Variants in ZSCAN25 observed in about 807,000 individuals in gnomAD.
The protein encoded by ZSCAN25 is zinc finger and SCAN domain containing 25, also known as zinc finger and SCAN domain-containing protein 25.
A neutral mutation model predicts 38.7 loss-of-function variants in ZSCAN25; 27 were observed. That is an observed-to-expected ratio of 0.70 (90% CI 0.51 to 0.96). The LOEUF (loss-of-function observed/expected upper bound fraction) is 0.96, where lower values mean the gene tolerates loss of function less well. Ranked by LOEUF, ZSCAN25 falls within the 40% of genes least tolerant of loss-of-function variation. The pLI is 0.00. For synonymous variants in ZSCAN25, 273 were observed against 277.7 expected, an observed-to-expected ratio of 0.98 and a Z score of 0.17; for missense variants, 637 against 705.9, an observed-to-expected ratio of 0.90 and a Z score of 1.11.
the ZSCAN25 span, chr7:99,709,046 G>T: frequency 1.9e-6 from 3 of 1,613,928 alleles, no homozygotes; most frequent in Non-Finnish European, 2.5e-6. Context: ...TTTCAGGGAG[G>T]AACTTCTCAG....
At chr7:99,680,031 T>C in the ZSCAN25 span, 1 of 764,032 alleles carries the variant, frequency 1.3e-6, no homozygotes, top group South Asian at 1.5e-5. Flanking sequence ...ATTTATGTGC[T>C]GGAGAAGGAG....
At position 99,630,997 on chromosome 7, in the gene ZSCAN25, T is replaced by C; in HGVS notation, c.*977T>C. On this transcript the variant is annotated 3_prime_UTR_variant, in exon 8 of 8. Transcript: ENST00000394152. ...TCATTGGACCCATTTCCCAAGTATT[T>C]ATTGAGGCCCTGTAACAAACATGTC... The C allele has an allele frequency of 1.1e-6, 1 of 943,416 alleles. No homozygotes were observed. Among genetic ancestry groups the C allele is most frequent in the Non-Finnish European group, 1.3e-6 (1 of 791,812 alleles). The allele number at this position is 943,416 out of a possible 1,614,324, so 58.4% of individuals were successfully genotyped here.
chr7:99,693,216 C>T, the ZSCAN25 span, among the ~76,000 whole-genome samples: 3 of 152,172 alleles, frequency 2.0e-5, no homozygotes, highest in Admixed American at 2.0e-4. Flanking sequence ...TGGGTATTAC[C>T]TGCAGAGGCT....
At chr7:99,730,737 G>T in the ZSCAN25 span, 1 of 322,580 alleles carries the variant, frequency 3.1e-6, no homozygotes. Flanking sequence ...ACTAAGTATG[G>T]CTGTACCTTC....
the ZSCAN25 span, among the ~76,000 whole-genome samples, chr7:99,696,945 T>C: frequency 6.6e-6 from 1 of 152,192 alleles, no homozygotes; most frequent in Non-Finnish European, 1.5e-5. Flanking sequence ...AGCCATGTAA[T>C]ATCTGCCTAC....
the ZSCAN25 span, chr7:99,672,528 A>T: frequency 6.8e-7 from 1 of 1,479,600 alleles, no homozygotes; most frequent in Non-Finnish European, 9.4e-7. Flanking sequence ...TCAAAATAAA[A>T]ATTTAATCAG....
At position 99,624,125 on chromosome 7, in the gene ZSCAN25, C is replaced by T. The variant is rs757630292; in HGVS notation, c.750C>T (p.Ala250=). Residue 250 remains alanine (A), a synonymous_variant, in exon 7 of 8, where the codon GCC becomes GCT. Transcript: ENST00000394152. ...AGGAGTGGAGGCATGTGACCCCAGCCCAGATAGACTGCTTTGGGGAGTATG... is the reference window on the plus strand; with the variant it reads ...AGGAGTGGAGGCATGTGACCCCAGCTCAGATAGACTGCTTTGGGGAGTATG... ...PEEEWRHVTP[A]QIDCFGEYVE... 18 of 1,613,972 alleles carry T rather than the reference C, an allele frequency of 1.1e-5. No individual in the cohort carries two copies. In the South Asian group the frequency reaches 1.9e-4, roughly 17 times the overall value.
the ZSCAN25 span, among the ~76,000 whole-genome samples, chr7:99,709,696 G>A: frequency 6.6e-6 from 1 of 152,056 alleles, no homozygotes; most frequent in East Asian, 1.9e-4. Context: ...AGGATTATTG[G>A]CCAAACTTCT....
chr7:99,686,748 G>T, the ZSCAN25 span, among the ~76,000 whole-genome samples: 1 of 148,858 alleles, frequency 6.7e-6, no homozygotes, highest in Non-Finnish European at 1.5e-5. Flanking sequence ...TAACTGGGAG[G>T]CACCCCCCCC....
the ZSCAN25 span, among the ~76,000 whole-genome samples, chr7:99,694,842 A>C: frequency 6.6e-6 from 1 of 152,238 alleles, no homozygotes; most frequent in East Asian, 1.9e-4. Context: ...ACAGAGCATC[A>C]GACCAGGTTA....
chr7:99,620,162 A>G, intron 4 of ZSCAN25, 169 bp downstream of exon 4: 2 of 999,002 alleles, frequency 2.0e-6, no homozygotes, highest in East Asian at 2.6e-5. Context: ...TCAGCAAGAA[A>G]GGCCATTCCC....
the ZSCAN25 span, chr7:99,717,570 G>A: frequency 1.2e-5 from 20 of 1,613,512 alleles, no homozygotes; most frequent in South Asian, 2.2e-5. Context: ...AGCAATGATC[G>A]TATTCTCTTC....
At chr7:99,657,055 G>A in the ZSCAN25 span, among the ~76,000 whole-genome samples, 3 of 152,060 alleles carry the variant, frequency 2.0e-5, no homozygotes, top group East Asian at 5.8e-4. Context: ...TGATTTTTTT[G>A]AAGGGTTTTT....
the ZSCAN25 span, among the ~76,000 whole-genome samples, chr7:99,737,602 C>G: frequency 6.6e-6 from 1 of 151,934 alleles, no homozygotes; most frequent in Admixed American, 6.6e-5. Context: ...AAACAAAGAG[C>G]CTTTCTTATT....
intron 5 of ZSCAN25, 124 bp from the exon 6 acceptor site, chr7:99,622,425 A>G (rs376272832): frequency 2.4e-5 from 21 of 883,288 alleles, no homozygotes; most frequent in Non-Finnish European, 4.0e-5. Context: ...GTGAAAAGGG[A>G]TTCTGTCTGG....
the ZSCAN25 span, among the ~76,000 whole-genome samples, chr7:99,667,814 A>G: frequency 2.6e-5 from 4 of 152,322 alleles, no homozygotes; most frequent in Non-Finnish European, 5.9e-5. Flanking sequence ...GACAATCTGT[A>G]AAAAAATCAT....
At chr7:99,636,844 A>G (rs1003567282), downstream of ZSCAN25, among the ~76,000 whole-genome samples, 2 of 152,218 alleles carry the variant, frequency 1.3e-5, no homozygotes, top group African/African-American at 4.8e-5. Flanking sequence ...CTGCTTACAC[A>G]TGAAGAAAAA....
At chr7:99,652,641 G>A in the ZSCAN25 span, 17 of 1,614,072 alleles carry the variant, frequency 1.1e-5, no homozygotes, top group Middle Eastern at 1.6e-4. Flanking sequence ...GACCCTTTGG[G>A]AATGAATACC....
the ZSCAN25 span, chr7:99,695,755 G>A: frequency 2.5e-6 from 4 of 1,613,450 alleles, no homozygotes; most frequent in Non-Finnish European, 3.4e-6. Context: ...CCTGATGGTA[G>A]GACAAAGTAG....
Sources: gnomAD v4.1 joint callset for allele counts (sites outside exome capture counted in the v4.1 genomes callset) on GRCh38, gnomAD v4.1.1 for gene constraint, MANE v1.5 for transcripts, NCBI Gene and HGNC (gene_info 2026-07-23, HGNC 2026-07-21) for gene names.